TRIM14: variants seen among roughly 807,000 people sequenced by gnomAD.
TRIM14 encodes tripartite motif containing 14, also known as tripartite motif-containing protein 14.
TRIM14 carries 28 observed loss-of-function variants against 44.5 expected under a neutral mutation model. The observed-to-expected ratio is 0.63, with a 90% CI of 0.47 to 0.86. TRIM14 has a LOEUF of 0.86. Ranked by LOEUF, TRIM14 falls within the 40% of genes least tolerant of loss-of-function variation. TRIM14 has a pLI of 0.00. For missense variants in TRIM14, 607 were observed against 611.1 expected (o/e 0.99, Z 0.07); for synonymous variants, 299 against 269.2 (o/e 1.11, Z -1.08).
chr9:98,041,513 C>T, the TRIM14 span, among the ~76,000 whole-genome samples: 3 of 149,382 alleles, frequency 2.0e-5, no homozygotes, highest in East Asian at 5.9e-4. Flanking sequence ...TTTTTTGAGA[C>T]TGAGTTTTGC....
the TRIM14 span, among the ~76,000 whole-genome samples, chr9:98,050,397 T>C: frequency 6.6e-6 from 1 of 152,184 alleles, no homozygotes; most frequent in Non-Finnish European, 1.5e-5. Context: ...AGTAGAACAG[T>C]GAGTTTTGCA....
chr9:98,108,318 G>A (rs1274130748), intron 2 of TRIM14, among the ~76,000 whole-genome samples: 1 of 152,154 alleles, frequency 6.6e-6, no homozygotes, highest in South Asian at 2.1e-4. Context: ...CCTGTGGGCC[G>A]CATGTGGCCC....
the TRIM14 span, among the ~76,000 whole-genome samples, chr9:98,044,461 A>G: frequency 1.4e-5 from 2 of 146,058 alleles, no homozygotes; most frequent in African/African-American, 5.2e-5. Flanking sequence ...GCAACCTCCA[A>G]CTCCCTGGTT....
At position 98,085,867 on chromosome 9, in the gene TRIM14, G is replaced by C. The variant is rs1346897774; in HGVS notation, c.*1603C>G. On this transcript the variant is annotated 3_prime_UTR_variant, in exon 6 of 6. Transcript: ENST00000341469. ...AAGTCTATTTAAACCACGAGGATTCGGCGACCTTGGCCTCCCACCAAGCAC... is the reference window on the plus strand; with the variant it reads ...AAGTCTATTTAAACCACGAGGATTCCGCGACCTTGGCCTCCCACCAAGCAC... 1 of 151,968 alleles carries C rather than the reference G, an allele frequency of 6.6e-6. No individual in the cohort carries two copies. Among genetic ancestry groups the C allele is most frequent in the Admixed American group, 6.6e-5 (1 of 15,252 alleles). The allele number at this position is 151,968 out of a possible 1,614,324, so 9.4% of individuals were successfully genotyped here. A position where few individuals can be genotyped will look rare whatever the true frequency, so the allele number is the denominator to read the frequency against.
the TRIM14 span, among the ~76,000 whole-genome samples, chr9:98,041,839 C>T: frequency 1.2e-4 from 18 of 151,320 alleles, no homozygotes; most frequent in Non-Finnish European, 8.8e-5. Context: ...TCTGCCACCA[C>T]ACCCAGCTAA....
At chr9:98,041,578 G>A in the TRIM14 span, among the ~76,000 whole-genome samples, 11 of 151,732 alleles carry the variant, frequency 7.2e-5, no homozygotes, top group African/African-American at 2.7e-4. Context: ...TGTAACCTCC[G>A]CCTTCTGGGT....
intron 5 of TRIM14, among the ~76,000 whole-genome samples, chr9:98,089,383 G>T (rs745658959): frequency 6.6e-6 from 1 of 152,068 alleles, no homozygotes; most frequent in Non-Finnish European, 1.5e-5. Flanking sequence ...CATCATGTTG[G>T]CCAGGCTGGT....
downstream of TRIM14, chr9:98,081,199 G>A: frequency 1.4e-6 from 2 of 1,393,132 alleles, no homozygotes; most frequent in South Asian, 2.7e-5. Flanking sequence ...AATGATCAGT[G>A]AATGTGCTCC....
the TRIM14 span, among the ~76,000 whole-genome samples, chr9:98,063,166 C>T: frequency 6.6e-6 from 1 of 151,708 alleles, no homozygotes; most frequent in Admixed American, 6.6e-5. Context: ...GACCTCAGCC[C>T]ATCCGCCCGC....
downstream of TRIM14, among the ~76,000 whole-genome samples, chr9:98,066,687 A>G (rs1451458412): frequency 1.3e-5 from 2 of 148,562 alleles, no homozygotes; most frequent in South Asian, 2.1e-4. Context: ...GTCTCGCTCT[A>G]TTGCCCAGGC....
At chr9:98,078,367 T>C in intron 6 of TRIM14, 1 of 1,609,432 alleles carries the variant, frequency 6.2e-7, no homozygotes, top group South Asian at 1.1e-5. Context: ...AGGGAGGGGG[T>C]TCCCTTCTTG....
intron 2 of TRIM14, among the ~76,000 whole-genome samples, chr9:98,104,097 G>C (rs1406160244): frequency 6.6e-6 from 1 of 152,164 alleles, no homozygotes; most frequent in Admixed American, 6.5e-5. Flanking sequence ...CCTATGGATA[G>C]GTTCAGAGGC....
At chr9:98,115,132 C>T (rs1045374996) in intron 1 of TRIM14, among the ~76,000 whole-genome samples, 2 of 152,058 alleles carry the variant, frequency 1.3e-5, no homozygotes, top group African/African-American at 4.8e-5. Flanking sequence ...CTCTGTCACC[C>T]AGGCTGGAGT....
chr9:98,105,337 C>T (rs1000300618), intron 2 of TRIM14, among the ~76,000 whole-genome samples: 4 of 152,198 alleles, frequency 2.6e-5, no homozygotes, highest in African/African-American at 7.2e-5. Context: ...GGCTGAGCCC[C>T]GCCGACTGCA....
At chr9:98,042,681 C>G in the TRIM14 span, among the ~76,000 whole-genome samples, 1 of 152,090 alleles carries the variant, frequency 6.6e-6, no homozygotes, top group East Asian at 1.9e-4. Flanking sequence ...ACCATCCTGG[C>G]CAACACGGTG....
the TRIM14 span, among the ~76,000 whole-genome samples, chr9:98,047,232 C>G: frequency 6.6e-6 from 1 of 152,128 alleles, no homozygotes; most frequent in Non-Finnish European, 1.5e-5. Context: ...TTCATTCTCT[C>G]GTCTGCTGCC....
chr9:98,072,594 A>G (rs1829389997), intron 6 of TRIM14, among the ~76,000 whole-genome samples: 2 of 152,048 alleles, frequency 1.3e-5, no homozygotes, highest in African/African-American at 4.8e-5. Context: ...TATTTTTAGT[A>G]GAGACAGAGT....
the TRIM14 span, among the ~76,000 whole-genome samples, chr9:98,039,661 C>A: frequency 2.0e-5 from 3 of 152,028 alleles, no homozygotes; most frequent in Non-Finnish European, 4.4e-5. Context: ...CTGGCCCTAC[C>A]CAGATCGATA....
In TRIM14 at chr9:98,109,888, C is replaced by T. The variant is rs530052052; in HGVS notation, c.303+1G>A. The T allele has an allele frequency of 3.7e-6, 6 of 1,612,352 alleles. No individual in the cohort carries two copies. In the South Asian group the frequency reaches 4.4e-5, roughly 12 times the overall value. On this transcript the variant is annotated splice_donor_variant, in intron 2 of 5. Transcript: ENST00000341469. LOFTEE classifies it high-confidence loss of function. ...GGTATGAGGAAGAAATGTCCACTTG[C>T]CTTGAGCTTCTCGGTGGCATCTTCT...
Sources: gnomAD v4.1 joint callset for allele counts (sites outside exome capture counted in the v4.1 genomes callset) on GRCh38, gnomAD v4.1.1 for gene constraint, MANE v1.5 for transcripts, NCBI Gene and HGNC (gene_info 2026-07-23, HGNC 2026-07-21) for gene names.